RPS6KA2: variants seen among roughly 807,000 people sequenced by gnomAD.
The protein encoded by RPS6KA2 is ribosomal protein S6 kinase alpha-2.
In RPS6KA2, 42 loss-of-function variants were observed where a neutral mutation model predicts 91.8. The ratio of observed to expected loss-of-function variants is 0.46; its 90% CI spans 0.36 to 0.59. The LOEUF (loss-of-function observed/expected upper bound fraction) is 0.59. RPS6KA2 is among the 20% of genes least tolerant of loss of function. The pLI is 0.00. For missense variants in RPS6KA2, 798 were observed against 978.5 expected (o/e 0.82, Z 2.46); for synonymous variants, 414 against 393.6 (o/e 1.05, Z -0.61).
chr6:166,745,148 CTTTT>C (rs147789754), intron 2 of RPS6KA2, among the ~76,000 whole-genome samples: 3 of 105,932 alleles, frequency 2.8e-5, no homozygotes, highest in Non-Finnish European at 5.6e-5. Flanking sequence ...CCTAATCGGC[CTTTT>C]TTTTTTTTTT....
At chr6:166,483,996 A>G (rs1781324717) in intron 10 of RPS6KA2, among the ~76,000 whole-genome samples, 1 of 152,240 alleles carries the variant, frequency 6.6e-6, no homozygotes, top group Non-Finnish European at 1.5e-5. Context: ...GCGCACAGAA[A>G]CAGCATGACG....
chr6:166,695,524 G>T (rs1789330238), intron 2 of RPS6KA2, among the ~76,000 whole-genome samples: 1 of 152,166 alleles, frequency 6.6e-6, no homozygotes, highest in African/African-American at 2.4e-5. Flanking sequence ...TGTTAGACTG[G>T]GTTCCCAATC....
chr6:166,723,453 C>T (rs1028559964), intron 2 of RPS6KA2, among the ~76,000 whole-genome samples: 2 of 151,972 alleles, frequency 1.3e-5, no homozygotes, highest in African/African-American at 4.8e-5. Flanking sequence ...CCAGGGGGGT[C>T]CCACATGTAT....
intron 2 of RPS6KA2, among the ~76,000 whole-genome samples, chr6:166,786,373 G>T: frequency 6.6e-6 from 1 of 151,924 alleles, no homozygotes; most frequent in Non-Finnish European, 1.5e-5. Context: ...CCAGTTAAAA[G>T]GAGTTAATAG....
rs970358558 is a variant in RPS6KA2 at position 166,412,893 on chromosome 6, A to G, written c.2077-6T>C. 1.9e-6 allele frequency: 3 copies of G among 1,550,170 alleles called. No homozygotes were observed. The highest frequency in any genetic ancestry group is 2.0e-5 in the Admixed American group (1 of 50,924). ...TAGGTGGCGGCCATCGCGCCCTGCA[A>G]AACAGAAGACAAGGGTGAGAGCCGC... is the stretch of plus-strand genomic sequence containing the variant. On this transcript the variant is annotated splice_region_variant and splice_polypyrimidine_tract_variant and intron_variant, in intron 20 of 20. Transcript: ENST00000265678. The surrounding 1 kb of genome is among the most constrained non-coding windows in gnomAD (Gnocchi z 4.3).
intron 1 of RPS6KA2, among the ~76,000 whole-genome samples, chr6:166,555,620 C>T (rs773643361): frequency 6.6e-6 from 1 of 152,074 alleles, no homozygotes; most frequent in South Asian, 2.1e-4. Context: ...ACGATTGAGC[C>T]TCTTTCTCTG....
intron 2 of RPS6KA2, among the ~76,000 whole-genome samples, chr6:166,801,945 TAA>T (rs869037579): frequency 2.0e-5 from 3 of 147,388 alleles, no homozygotes; most frequent in Admixed American, 6.7e-5. Flanking sequence ...AGAGGAAAAT[TAA>T]AAAAAAAAAA....
chr6:166,517,455 G>GTTTTTTTTTTTTTTTT (rs71032809), intron 3 of RPS6KA2, among the ~76,000 whole-genome samples: 7 of 104,968 alleles, frequency 6.7e-5, no homozygotes, highest in African/African-American at 1.8e-4. Context: ...CTTTTGTTTT[G>GTTTTTTTTTTTTTTTT]TTTTTTTTTT....
At chr6:166,851,283 A>G (rs1202752904) in intron 2 of RPS6KA2, among the ~76,000 whole-genome samples, 1 of 152,176 alleles carries the variant, frequency 6.6e-6, no homozygotes, top group Non-Finnish European at 1.5e-5. Flanking sequence ...ACAGACACCC[A>G]AACTGGATCT....
chr6:166,666,263 T>C lies in RPS6KA2; in HGVS notation c.124-127479A>G, dbSNP rs756293928. Among the ~76,000 whole-genome samples the C allele has an allele frequency of 6.6e-6, 1 of 152,072 alleles. No homozygotes were observed. Among genetic ancestry groups the C allele is most frequent in the African/African-American group, 2.4e-5 (1 of 41,406 alleles). ...CGGGACTGGCATCTTCCCAGCAAAG[T>C]AGGGGGCAAGGGAGCACTCTGTAAA... On this transcript the variant is annotated intron_variant, in intron 2 of 21. Coordinates refer to the RPS6KA2 transcript ENST00000503859. This position sits in a 1 kb window ranked among gnomAD's most constrained non-coding sequence, Gnocchi z 4.0.
rs984783838 is a variant in RPS6KA2, at chr6:166,434,774, C to T, written c.1333-2284G>A. Among the ~76,000 whole-genome samples, 4 of 152,096 alleles carry T rather than the reference C, an allele frequency of 2.6e-5. No individual in the cohort carries two copies. Among genetic ancestry groups the T allele is most frequent in the African/African-American group, 9.7e-5 (4 of 41,420 alleles). ...AAGAAAGTGGGAGCTTTTTCTCCACCGCCACGGACCATCTTCAAGATACAA... is the reference window on the plus strand; with the variant it reads ...AAGAAAGTGGGAGCTTTTTCTCCACTGCCACGGACCATCTTCAAGATACAA... On this transcript the variant is annotated intron_variant, in intron 14 of 20. Transcript: ENST00000265678. The surrounding 1 kb of genome is among the most constrained non-coding windows in gnomAD (Gnocchi z 4.4).
At position 166,412,849 on chromosome 6, in the gene RPS6KA2, T is replaced by C. The variant is rs1562475716; in HGVS notation, c.2115A>G (p.Thr705=). ...MAATYFALNR[T]PQAPRLEPVL... ...CGGGCTCCAGCCGCGGGGCCTGAGG[T>C]GTTCTGTTTAGAGCAAAGTAGGTGG... Residue 705 remains threonine (T), a synonymous_variant, in exon 21 of 21, where the codon ACA becomes ACG. Coordinates refer to ENST00000265678, the MANE Select transcript of RPS6KA2 (RefSeq NM_021135.6). This position sits in a 1 kb window ranked among gnomAD's most constrained non-coding sequence, Gnocchi z 4.3. 3 of 1,568,254 alleles carry C rather than the reference T, an allele frequency of 1.9e-6. No homozygotes were observed. In the East Asian group the frequency reaches 7.0e-5, roughly 37 times the overall value.
rs545066041 is a variant in RPS6KA2, at chr6:166,471,642, T to C, written c.908-1737A>G. ...ATAGGACAGACATAGCACACGGACA[T>C]CTCAGTCATCCGATGCACAATTGCT... is the stretch of plus-strand genomic sequence containing the variant. On this transcript the variant is annotated intron_variant, in intron 10 of 20. Coordinates refer to ENST00000265678, the MANE Select transcript of RPS6KA2 (RefSeq NM_021135.6). Among the ~76,000 whole-genome samples the C allele has an allele frequency of 1.7e-3, 264 of 152,360 alleles. 1 individual carries two copies. Among genetic ancestry groups the C allele is most frequent in the Middle Eastern group, 3.4e-3 (1 of 294 alleles).
chr6:166,475,305 C>A (rs948023811), intron 10 of RPS6KA2, among the ~76,000 whole-genome samples: 3 of 152,188 alleles, frequency 2.0e-5, no homozygotes, highest in Non-Finnish European at 2.9e-5. Context: ...TGAGAGCCCC[C>A]ACGCTCACCA....
chr6:166,568,559 G>A (rs1436801914), intron 1 of RPS6KA2, among the ~76,000 whole-genome samples: 3 of 145,252 alleles, frequency 2.1e-5, no homozygotes, highest in East Asian at 2.0e-4. Flanking sequence ...CAGAGGTTGC[G>A]GAGAGCCGAG....
chr6:166,566,893 C>T (rs1273452377), intron 1 of RPS6KA2, among the ~76,000 whole-genome samples: 1 of 152,224 alleles, frequency 6.6e-6, no homozygotes, highest in East Asian at 1.9e-4. Context: ...GTGCCTGTGG[C>T]AGGATCACAG....
At chr6:166,823,434 AGTGTGTGT>A (rs56187218) in intron 2 of RPS6KA2, among the ~76,000 whole-genome samples, 19,038 of 147,676 alleles carry the variant, frequency 0.13, 1,452 homozygotes, top group Non-Finnish European at 0.18. Context: ...TTGGTTTTGC[AGTGTGTGT>A]GTGTGTGTGT....
chr6:166,768,292 A>AT (rs1369867456), intron 2 of RPS6KA2, among the ~76,000 whole-genome samples: 17 of 152,292 alleles, frequency 1.1e-4, no homozygotes, highest in Admixed American at 2.6e-4. Flanking sequence ...TCTAAAAGTG[A>AT]TTTTTTTATA....
intron 2 of RPS6KA2, among the ~76,000 whole-genome samples, chr6:166,801,165 A>G (rs1779355952): frequency 6.6e-6 from 1 of 152,240 alleles, no homozygotes; most frequent in African/African-American, 2.4e-5. Context: ...ATAAAAATTT[A>G]AAGCATTCAA....
Sources: gnomAD v4.1 joint callset for allele counts (sites outside exome capture counted in the v4.1 genomes callset) on GRCh38, gnomAD v4.1.1 for gene constraint, Gnocchi (gnomAD v3.1) non-coding constraint, MANE v1.5 for transcripts, NCBI Gene and HGNC (gene_info 2026-07-23, HGNC 2026-07-21) for gene names.